PTPN23: variants seen among roughly 807,000 people sequenced by gnomAD.
The protein encoded by PTPN23 is tyrosine-protein phosphatase non-receptor type 23.
A neutral mutation model predicts 156.3 loss-of-function variants in PTPN23; 72 were observed. The observed-to-expected ratio is 0.46, with a 90% CI of 0.38 to 0.56. PTPN23 has a LOEUF of 0.56. Among genes scored for constraint, PTPN23 ranks in the 20% least tolerant of loss-of-function variants. The pLI, the probability that PTPN23 is intolerant of heterozygous loss-of-function variation, is 0.00. For missense variants in PTPN23, 1,974 were observed against 2,171.5 expected, an observed-to-expected ratio of 0.91 and a Z score of 1.81; for synonymous variants, 957 against 899.6, an observed-to-expected ratio of 1.06 and a Z score of -1.14.
At chr3:47,396,109 T>C in intron 1 of PTPN23, 34 bp from the exon 2 acceptor site, 1 of 1,585,268 alleles carries the variant, frequency 6.3e-7, no homozygotes, top group South Asian at 1.1e-5. Context: ...GGGGGTCTTC[T>C]CTGCCACTGG....
At position 47,381,200 on chromosome 3, in the gene PTPN23, T is replaced by TC; in HGVS notation, c.84+26dup. ...AAGAAGGTGAGCTTGCCTTCCATCT[T>TC]CCCCCCTATCCGCCGCGTATCTCCG... On this transcript the variant is annotated intron_variant, in intron 1 of 24. Coordinates refer to ENST00000265562, the MANE Select transcript of PTPN23 (RefSeq NM_015466.4). 1.9e-6 allele frequency: 3 copies of TC among 1,563,714 alleles called. No individual in the cohort carries two copies. The highest frequency in any genetic ancestry group is 1.2e-5 in the South Asian group (1 of 84,880).
intron 2 of PTPN23, among the ~76,000 whole-genome samples, chr3:47,403,133 C>G (rs1478431769): frequency 1.3e-5 from 2 of 151,340 alleles, no homozygotes; most frequent in Admixed American, 1.3e-4. Context: ...TCACTGCAGG[C>G]TCCGCCCCCC....
At chr3:47,390,075 A>C (rs1704740198) in intron 1 of PTPN23, among the ~76,000 whole-genome samples, 1 of 149,570 alleles carries the variant, frequency 6.7e-6, no homozygotes, top group African/African-American at 2.4e-5. Flanking sequence ...TCCGTCTCAA[A>C]AAAAAAAAAA....
In PTPN23 at chr3:47,406,082, C is replaced by T. The variant is rs753166088; in HGVS notation, c.546+36C>T. ...GCCCTGGTTGGAGTGGAGTTGAATCCAGGGAAGGGGATGGCCAGGGAGGGG... is the reference window on the plus strand; with the variant it reads ...GCCCTGGTTGGAGTGGAGTTGAATCTAGGGAAGGGGATGGCCAGGGAGGGG... On this transcript the variant is annotated intron_variant, in intron 6 of 24. Coordinates refer to ENST00000265562, the MANE Select transcript of PTPN23 (RefSeq NM_015466.4). The surrounding 1 kb of genome is among the most constrained non-coding windows in gnomAD (Gnocchi z 5.8). The T allele has an allele frequency of 6.2e-7, 1 of 1,604,494 alleles. No homozygotes were observed. The highest frequency in any genetic ancestry group is 8.5e-7 in the Non-Finnish European group (1 of 1,176,124).
In PTPN23 at chr3:47,407,639, A is replaced by G; in HGVS notation, c.1003+55A>G. ...TGACGGTGGGGTGGGGACAGGACAC[A>G]GGAGGCTGCCTCAAGGACTCTGCGT... On this transcript the variant is annotated intron_variant, in intron 12 of 24. Coordinates refer to ENST00000265562, the MANE Select transcript of PTPN23 (RefSeq NM_015466.4). This position sits in a 1 kb window ranked among gnomAD's most constrained non-coding sequence, Gnocchi z 4.0. The G allele has an allele frequency of 6.2e-7, 1 of 1,606,258 alleles. No individual in the cohort carries two copies. The highest frequency in any genetic ancestry group is 8.5e-7 in the Non-Finnish European group (1 of 1,173,094).
At chr3:47,388,357 C>G (rs1704696870) in intron 1 of PTPN23, among the ~76,000 whole-genome samples, 1 of 152,062 alleles carries the variant, frequency 6.6e-6, no homozygotes, top group Non-Finnish European at 1.5e-5. Context: ...CACAGGCACG[C>G]ACCACTCTGC....
chr3:47,402,907 T>C (rs1047078696), intron 2 of PTPN23, among the ~76,000 whole-genome samples: 11 of 151,936 alleles, frequency 7.2e-5, no homozygotes, highest in African/African-American at 2.4e-4. Context: ...GGTTTCACCA[T>C]GTTGGCCAGG....
rs201218938 is a variant in PTPN23 at position 47,381,875 on chromosome 3, G to T, written c.84+695G>T. Among the ~76,000 whole-genome samples the T allele has an allele frequency of 3.2e-4, 49 of 152,314 alleles. 1 individual carries two copies. In the East Asian group the frequency reaches 8.1e-3, roughly 25 times the overall value. The stretch of plus-strand genomic sequence containing the variant: ...CTGTGTTGGAAGAACAGACGGGCAG[G>T]TTTGGCGTTGACTAAGGCAAGGAAC... On this transcript the variant is annotated intron_variant, in intron 1 of 24. Transcript: ENST00000265562.
At position 47,396,370 on chromosome 3, in the gene PTPN23, T is replaced by C. The variant is rs534383907; in HGVS notation, c.159+153T>C. The C allele has an allele frequency of 6.3e-6, 3 of 477,798 alleles. No homozygotes were observed. In the South Asian group the frequency reaches 6.9e-5, roughly 11 times the overall value. 29.6% of individuals were successfully genotyped at this position (477,798 alleles called of 1,614,324 possible). Reference sequence around the variant, plus strand: ...TGGGCAGATCATTTGAGGTCAGGAGTTTGAGACCAGCCTGGCCAACATGGT... The same window carrying C: ...TGGGCAGATCATTTGAGGTCAGGAGCTTGAGACCAGCCTGGCCAACATGGT... On this transcript the variant is annotated intron_variant, in intron 2 of 24. Transcript: ENST00000265562.
rs570048419 is a variant in PTPN23 at position 47,381,977 on chromosome 3, G to A, written c.84+797G>A. The stretch of plus-strand genomic sequence containing the variant: ...ATCCGCTGTATTGGTAGCACTGAGG[G>A]CTAGAGCAGAAATGAAAAGGAACAA... On this transcript the variant is annotated intron_variant, in intron 1 of 24. Coordinates refer to ENST00000265562, the MANE Select transcript of PTPN23 (RefSeq NM_015466.4). Among the ~76,000 whole-genome samples, 19 of 152,228 alleles carry A rather than the reference G, an allele frequency of 1.2e-4. 1 individual carries two copies. In the South Asian group the frequency reaches 3.5e-3, roughly 28 times the overall value.
In PTPN23 at chr3:47,381,023, G is replaced by A; in HGVS notation, c.-74G>A. The A allele has an allele frequency of 6.5e-7, 1 of 1,546,938 alleles. No homozygotes were observed. Among genetic ancestry groups the A allele is most frequent in the East Asian group, 2.4e-5 (1 of 40,828 alleles). ...AGTGACTTCCGGCACGAAGGGGCGG[G>A]GCTGGGCTCGTGGCTGAGCCAGCAG... is the stretch of plus-strand genomic sequence containing the variant. On this transcript the variant is annotated 5_prime_UTR_variant, in exon 1 of 25. Transcript: ENST00000265562.
rs200462955 is a variant in PTPN23, at chr3:47,410,953, G to A, written c.3155G>A (p.Gly1052Asp). 11 of 1,608,736 alleles carry A rather than the reference G, an allele frequency of 6.8e-6. No homozygotes were observed. The East Asian group carries it at 2.5e-4, about 36-fold the overall frequency. The change falls in exon 20 of 25, where the codon GGT (glycine) becomes GAT (aspartate). Residue 1052 changes from glycine to aspartate, a missense_variant. By Grantham distance (94) the Gly-to-Asp change is moderately conservative (BLOSUM62 -1). Around this residue, in one of 4 missense-constraint regions of PTPN23, gnomAD observed 731 missense variants for 669.1 expected, o/e 1.09. Coordinates refer to ENST00000265562, the MANE Select transcript of PTPN23 (RefSeq NM_015466.4). ...PQPPHPPLAY[G>D]PAPSTRPMGP... ...CCTCCCCATCCCCCACTGGCATATG[G>A]TCCTGCCCCTTCTACCAGACCCATG...
chr3:47,408,642 T>C, intron 15 of PTPN23, 134 bp from the exon 16 acceptor site: 1 of 1,414,592 alleles, frequency 7.1e-7, no homozygotes, highest in South Asian at 1.4e-5. Flanking sequence ...AGCATACCTC[T>C]TGCACCCTGC....
At chr3:47,385,684 ACAC>A (rs1704638788) in intron 1 of PTPN23, among the ~76,000 whole-genome samples, 1 of 152,108 alleles carries the variant, frequency 6.6e-6, no homozygotes, top group Non-Finnish European at 1.5e-5. Flanking sequence ...CTCCAAAAAA[ACAC>A]CACAAAACCC....
chr3:47,390,109 G>A (rs1002500635), intron 1 of PTPN23, among the ~76,000 whole-genome samples: 1 of 151,908 alleles, frequency 6.6e-6, no homozygotes, highest in Middle Eastern at 3.4e-3. Context: ...GGGCATGGTG[G>A]CACACAGCTG....
At position 47,412,142 on chromosome 3, in the gene PTPN23, G is replaced by A; in HGVS notation, c.4122G>A (p.Val1374=). The A allele has an allele frequency of 1.9e-6, 3 of 1,613,170 alleles. No individual in the cohort carries two copies. The highest frequency in any genetic ancestry group is 2.5e-6 in the Non-Finnish European group (3 of 1,180,036). ...ACTTGCTGCGCTTCATCCAGGAGGT[G>A]CACGCACATTACCTGCATCAGCGGC... The part of the protein sequence containing the change: ...PSNLLRFIQE[V]HAHYLHQRPL... Residue 1374 remains valine (V), a synonymous_variant, in exon 22 of 25, where the codon GTG becomes GTA. Transcript: ENST00000265562.
At chr3:47,390,543 A>G (rs1704752514) in intron 1 of PTPN23, among the ~76,000 whole-genome samples, 1 of 152,008 alleles carries the variant, frequency 6.6e-6, no homozygotes, top group East Asian at 1.9e-4. Context: ...CTCAGCCTCC[A>G]TTGGAGCTTC....
chr3:47,396,982 C>T (rs2107703889), intron 2 of PTPN23, among the ~76,000 whole-genome samples: 1 of 152,236 alleles, frequency 6.6e-6, no homozygotes, highest in South Asian at 2.1e-4. Context: ...TTCACTTAAA[C>T]ACTTAAGAGG....
At chr3:47,397,279 CA>C (rs1242831563) in intron 2 of PTPN23, among the ~76,000 whole-genome samples, 1 of 152,076 alleles carries the variant, frequency 6.6e-6, no homozygotes, top group African/African-American at 2.4e-5. Flanking sequence ...ATGAAATGAG[CA>C]CATGCTGCTG....
Sources: gnomAD v4.1 joint callset for allele counts (sites outside exome capture counted in the v4.1 genomes callset) on GRCh38, gnomAD v4.1.1 for gene constraint, gnomAD v4.1.1 regional missense constraint, Gnocchi (gnomAD v3.1) non-coding constraint, MANE v1.5 for transcripts, NCBI Gene and HGNC (gene_info 2026-07-23, HGNC 2026-07-21) for gene names.